SLC38A1: variants seen among roughly 807,000 people sequenced by gnomAD.
SLC38A1 encodes sodium-coupled neutral amino acid symporter 1.
A neutral mutation model predicts 60.3 loss-of-function variants in SLC38A1; 18 were observed. The ratio of observed to expected loss-of-function variants is 0.30; its 90% CI spans 0.21 to 0.44. SLC38A1 has a LOEUF of 0.44. Ranked by LOEUF, SLC38A1 falls within the 20% of genes least tolerant of loss-of-function variation. SLC38A1 has a pLI of 1.00. For synonymous variants in SLC38A1, 196 were observed against 212.1 expected, an observed-to-expected ratio of 0.92 and a Z score of 0.66; for missense variants, 448 against 587.2, an observed-to-expected ratio of 0.76 and a Z score of 2.45.
At chr12:46,240,698 T>C (rs1415156869) in intron 2 of SLC38A1, among the ~76,000 whole-genome samples, 1 of 152,206 alleles carries the variant, frequency 6.6e-6, no homozygotes, top group Non-Finnish European at 1.5e-5. Context: ...TTTTGAAATT[T>C]TGCAAGTAGT....
At chr12:46,232,859 A>T (rs1305744646) in intron 3 of SLC38A1, among the ~76,000 whole-genome samples, 1 of 152,248 alleles carries the variant, frequency 6.6e-6, no homozygotes, top group African/African-American at 2.4e-5. Flanking sequence ...AATGCTAGGT[A>T]AATAGTTGTT....
chr12:46,253,031 A>G (rs545480833), intron 1 of SLC38A1, among the ~76,000 whole-genome samples: 3 of 151,574 alleles, frequency 2.0e-5, no homozygotes, highest in East Asian at 3.9e-4. Context: ...ACACAGACAT[A>G]GAGAATAAAA....
chr12:46,200,368 T>TTC (rs1555184622), intron 13 of SLC38A1, among the ~76,000 whole-genome samples: 3 of 151,776 alleles, frequency 2.0e-5, no homozygotes, highest in African/African-American at 7.3e-5. Flanking sequence ...GTGAAATACA[T>TTC]ACATATATAT....
intron 1 of SLC38A1, among the ~76,000 whole-genome samples, chr12:46,264,617 AT>A (rs1942296843): frequency 6.6e-6 from 1 of 152,106 alleles, no homozygotes; most frequent in Non-Finnish European, 1.5e-5. Context: ...TTTACTTAAA[AT>A]TTTTTTATTT....
At position 46,268,736 on chromosome 12, in the gene SLC38A1, T is replaced by G. The variant is rs1942446880; in HGVS notation, c.-419A>C. The G allele has an allele frequency of 3.2e-6, 1 of 313,406 alleles. No individual in the cohort carries two copies. The allele number at this position is 313,406 out of a possible 1,614,324, so 19.4% of individuals were successfully genotyped here. A position where few individuals can be genotyped will look rare whatever the true frequency, so the allele number is the denominator to read the frequency against. On this transcript the variant is annotated 5_prime_UTR_variant, in exon 1 of 17. Transcript: ENST00000398637. This position sits in a 1 kb window ranked among gnomAD's most constrained non-coding sequence, Gnocchi z 4.4. ...TGAAGGGCGGAGGCTCCTGGCGACC[T>G]TCTGGCGGAGTGGCGTGGCCGCCCC... is the stretch of plus-strand genomic sequence containing the variant.
intron 1 of SLC38A1, among the ~76,000 whole-genome samples, chr12:46,262,909 A>C (rs2139041235): frequency 6.6e-6 from 1 of 152,308 alleles, no homozygotes; most frequent in Admixed American, 6.5e-5. Context: ...TAAAATAAGA[A>C]GATTGGATTA....
Position 46,218,893 on chromosome 12 carries a change from G to A in SLC38A1, c.315-9766C>T, listed in dbSNP as rs373246086. On this transcript the variant is annotated intron_variant, in intron 5 of 16. Transcript: ENST00000398637. ...GTTCCTGGGTGCAATGGCAGAACTG[G>A]TTGGGCGAGATTACCAGTCTGGGTG... 1.4e-4 allele frequency among the ~76,000 whole-genome samples: 21 copies of A among 152,234 alleles called. No homozygotes were observed. The South Asian group carries it at 4.1e-3, about 30-fold the overall frequency.
At position 46,184,689 on chromosome 12, in the gene SLC38A1, G is replaced by A. The variant is rs1301134703; in HGVS notation, c.*4281C>T. On this transcript the variant is annotated 3_prime_UTR_variant, in exon 17 of 17. Coordinates refer to ENST00000398637, the MANE Select transcript of SLC38A1 (RefSeq NM_030674.4). ...AGAATTCGCTTTAAAAGGAGGACAGGATTATCACCACACGATTAACACAAA... is the reference window on the plus strand; with the variant it reads ...AGAATTCGCTTTAAAAGGAGGACAGAATTATCACCACACGATTAACACAAA... 1 of 152,132 alleles carries A rather than the reference G, an allele frequency of 6.6e-6. No homozygotes were observed. Among genetic ancestry groups the A allele is most frequent in the African/African-American group, 2.4e-5 (1 of 41,422 alleles). The allele number at this position is 152,132 out of a possible 1,614,324, so 9.4% of individuals were successfully genotyped here. A position where few individuals can be genotyped will look rare whatever the true frequency, so the allele number is the denominator to read the frequency against.
chr12:46,217,581 A>G (rs529355533), intron 5 of SLC38A1, among the ~76,000 whole-genome samples: 1 of 152,314 alleles, frequency 6.6e-6, no homozygotes, highest in East Asian at 1.9e-4. Flanking sequence ...GGAGAGTTGC[A>G]TTTGTTTAAG....
chr12:46,221,742 T>C (rs1046551381), intron 5 of SLC38A1, among the ~76,000 whole-genome samples: 1 of 152,202 alleles, frequency 6.6e-6, no homozygotes, highest in Non-Finnish European at 1.5e-5. Context: ...CCTGCCCTTG[T>C]AGGGCTCAGC....
intron 1 of SLC38A1, among the ~76,000 whole-genome samples, chr12:46,265,290 G>C (rs1342734139): frequency 1.3e-5 from 2 of 152,182 alleles, no homozygotes; most frequent in Admixed American, 6.5e-5. Flanking sequence ...ATTTGACTCA[G>C]AGCCTAAGCC....
chr12:46,238,444 T>C (rs546993895), intron 3 of SLC38A1, among the ~76,000 whole-genome samples: 1 of 152,350 alleles, frequency 6.6e-6, no homozygotes, highest in Admixed American at 6.5e-5. Context: ...AAATGATTTC[T>C]ACAAAGATGC....
intron 5 of SLC38A1, among the ~76,000 whole-genome samples, chr12:46,219,992 A>G (rs1940592416): frequency 6.6e-6 from 1 of 152,242 alleles, no homozygotes; most frequent in Admixed American, 6.5e-5. Flanking sequence ...TCTGGGGCTA[A>G]GAGAATTGAA....
intron 1 of SLC38A1, among the ~76,000 whole-genome samples, chr12:46,257,358 G>A (rs1490366524): frequency 1.3e-5 from 2 of 152,164 alleles, no homozygotes; most frequent in Admixed American, 1.3e-4. Context: ...ATCTTGGAAG[G>A]ATTTCTAACA....
In SLC38A1 at chr12:46,207,045, C is replaced by T. The variant is rs1410893022; in HGVS notation, c.563+110G>A. ...TTGTTGAAACAACAAACAAACAAAA[C>T]GCAGCCTAGGAAAAACTTTCTGCAA... On this transcript the variant is annotated intron_variant, in intron 8 of 16. Coordinates refer to ENST00000398637, the MANE Select transcript of SLC38A1 (RefSeq NM_030674.4). 9 of 698,656 alleles carry T rather than the reference C, an allele frequency of 1.3e-5. No homozygotes were observed. In the South Asian group the frequency reaches 1.5e-4, roughly 12 times the overall value. The allele number at this position is 698,656 out of a possible 1,614,324, so 43.3% of individuals were successfully genotyped here.
At chr12:46,189,343 T>A (rs560280654) in intron 16 of SLC38A1, among the ~76,000 whole-genome samples, 1 of 152,146 alleles carries the variant, frequency 6.6e-6, no homozygotes, top group Admixed American at 6.5e-5. Flanking sequence ...AGTGTATGTA[T>A]CCATTCTACA....
chr12:46,216,472 G>A (rs566264890), intron 5 of SLC38A1, among the ~76,000 whole-genome samples: 1 of 152,294 alleles, frequency 6.6e-6, no homozygotes, highest in African/African-American at 2.4e-5. Context: ...GAGGCTCTCA[G>A]TGAGGCTCGA....
chr12:46,246,363 C>G (rs1249034342), intron 1 of SLC38A1, among the ~76,000 whole-genome samples: 2 of 152,246 alleles, frequency 1.3e-5, no homozygotes, highest in African/African-American at 2.4e-5. Context: ...TATCCTGCGC[C>G]TGGATCGGCA....
At chr12:46,202,968 G>T in intron 12 of SLC38A1, 42 bp downstream of exon 12, 2 of 1,446,158 alleles carry the variant, frequency 1.4e-6, no homozygotes, top group Non-Finnish European at 9.7e-7. Flanking sequence ...TTAATGAGGG[G>T]ATGTAAAACG....
Sources: gnomAD v4.1 joint callset for allele counts (sites outside exome capture counted in the v4.1 genomes callset) on GRCh38, gnomAD v4.1.1 for gene constraint, Gnocchi (gnomAD v3.1) non-coding constraint, MANE v1.5 for transcripts, NCBI Gene and HGNC (gene_info 2026-07-23, HGNC 2026-07-21) for gene names.